The following CTNNA3 variants were observed in gnomAD, a reference collection of about 807,000 sequenced individuals.
CTNNA3 encodes the protein catenin alpha-3.
CTNNA3 carries 76 observed loss-of-function variants against 95.7 expected under a neutral mutation model. The observed-to-expected ratio is 0.79, with a 90% CI of 0.66 to 0.96. CTNNA3 has a LOEUF of 0.96. Among genes scored for constraint, CTNNA3 ranks in the 40% least tolerant of loss-of-function variants. The pLI, the probability that CTNNA3 is intolerant of heterozygous loss-of-function variation, is 0.00. For missense variants in CTNNA3, 1,191 were observed against 1,089.8 expected, an observed-to-expected ratio of 1.09 and a Z score of -1.31; for synonymous variants, 431 against 374.4, an observed-to-expected ratio of 1.15 and a Z score of -1.74.
intron 7 of CTNNA3, among the ~76,000 whole-genome samples, chr10:67,017,763 A>C (rs1026263025): frequency 6.6e-6 from 1 of 151,364 alleles, no homozygotes; most frequent in Non-Finnish European, 1.5e-5. Flanking sequence ...GCGCGCGTAC[A>C]ATTTTATGTG....
chr10:66,696,289 G>C (rs1847760676), intron 9 of CTNNA3, among the ~76,000 whole-genome samples: 1 of 152,138 alleles, frequency 6.6e-6, no homozygotes, highest in African/African-American at 2.4e-5. Context: ...AAAATAAAGA[G>C]ATGCTATTTA....
At chr10:66,271,206 A>G (rs1480625443) in intron 13 of CTNNA3, among the ~76,000 whole-genome samples, 1 of 152,152 alleles carries the variant, frequency 6.6e-6, no homozygotes, top group Non-Finnish European at 1.5e-5. Context: ...TCCATTATTT[A>G]GTTTACAGAT....
At chr10:67,231,198 C>T (rs1294430070) in intron 5 of CTNNA3, among the ~76,000 whole-genome samples, 1 of 152,258 alleles carries the variant, frequency 6.6e-6, no homozygotes, top group Non-Finnish European at 1.5e-5. Context: ...CTGCCTGCCT[C>T]TGTAGGCTCC....
intron 7 of CTNNA3, among the ~76,000 whole-genome samples, chr10:67,044,109 A>G: frequency 6.6e-6 from 1 of 151,880 alleles, no homozygotes; most frequent in Non-Finnish European, 1.5e-5. Flanking sequence ...TTTCCCCCCA[A>G]CTAGTCGCCA....
intron 5 of CTNNA3, among the ~76,000 whole-genome samples, chr10:67,385,208 T>C (rs1397016082): frequency 6.6e-6 from 1 of 152,238 alleles, no homozygotes; most frequent in East Asian, 1.9e-4. Context: ...TTTATGCAGC[T>C]TATAGTCTAA....
At chr10:66,176,917 A>G (rs2085740377) in intron 13 of CTNNA3, among the ~76,000 whole-genome samples, 1 of 152,092 alleles carries the variant, frequency 6.6e-6, no homozygotes, top group South Asian at 2.1e-4. Flanking sequence ...AAATATTTTT[A>G]AATCACTGAA....
intron 9 of CTNNA3, among the ~76,000 whole-genome samples, chr10:66,690,679 T>G (rs1188528154): frequency 1.3e-5 from 2 of 151,946 alleles, no homozygotes; most frequent in Non-Finnish European, 2.9e-5. Context: ...TGCATAGTAT[T>G]CCATGGTGTA....
chr10:67,431,015 C>T lies in CTNNA3; in HGVS notation c.579+90827G>A, dbSNP rs1257374155. On this transcript the variant is annotated intron_variant, in intron 5 of 17. Transcript: ENST00000433211. ...TTATAATTGAAACTTCAGATAGCTC[C>T]TTAAGTTAACAAAATGGGTAAATGG... is the stretch of plus-strand genomic sequence containing the variant. Among the ~76,000 whole-genome samples the T allele has an allele frequency of 2.0e-5, 3 of 151,964 alleles. No individual in the cohort carries two copies. The East Asian group carries it at 5.8e-4, about 30-fold the overall frequency.
intron 11 of CTNNA3, among the ~76,000 whole-genome samples, chr10:66,514,776 T>C (rs1404925863): frequency 6.6e-6 from 1 of 152,156 alleles, no homozygotes; most frequent in Non-Finnish European, 1.5e-5. Flanking sequence ...AATCAGTTCT[T>C]AGTAATTGTT....
intron 17 of CTNNA3, among the ~76,000 whole-genome samples, chr10:65,928,865 A>G (rs530608977): frequency 6.6e-6 from 1 of 152,288 alleles, no homozygotes; most frequent in East Asian, 1.9e-4. Flanking sequence ...TCCCACTTTT[A>G]GATTATTATT....
chr10:66,671,183 C>T (rs1846647858), intron 9 of CTNNA3, among the ~76,000 whole-genome samples: 1 of 152,164 alleles, frequency 6.6e-6, no homozygotes, highest in Non-Finnish European at 1.5e-5. Context: ...ATTAGTTTAA[C>T]TGTAATTCTT....
At chr10:66,336,607 A>T (rs2092399344) in intron 12 of CTNNA3, among the ~76,000 whole-genome samples, 1 of 152,142 alleles carries the variant, frequency 6.6e-6, no homozygotes, top group African/African-American at 2.4e-5. Flanking sequence ...TATTTTTTGT[A>T]ACATTGTCTA....
intron 1 of CTNNA3, among the ~76,000 whole-genome samples, chr10:67,724,174 C>T (rs1841195577): frequency 6.6e-6 from 1 of 152,166 alleles, no homozygotes; most frequent in South Asian, 2.1e-4. Context: ...AGATGAACTA[C>T]CTAGAGTTGT....
intron 17 of CTNNA3, among the ~76,000 whole-genome samples, chr10:65,948,509 G>C (rs1055755114): frequency 2.3e-4 from 35 of 151,704 alleles, no homozygotes; most frequent in African/African-American, 1.9e-4. Context: ...ATTGCAAAGA[G>C]ACAACTTAAT....
chr10:65,990,096 T>TAC (rs377426492), intron 15 of CTNNA3, among the ~76,000 whole-genome samples: 138,069 of 147,466 alleles, frequency 0.94, 64,978 homozygotes, highest in East Asian at 0.99. Context: ...TGTGTGTGTA[T>TAC]ACACACACAC....
intron 10 of CTNNA3, among the ~76,000 whole-genome samples, chr10:66,527,343 G>T (rs1841305075): frequency 1.3e-5 from 2 of 152,034 alleles, no homozygotes; most frequent in African/African-American, 4.8e-5. Context: ...GAAAGTGTGA[G>T]GCCTCCAAAT....
chr10:67,531,229 C>T (rs1840315026), intron 4 of CTNNA3, among the ~76,000 whole-genome samples: 1 of 152,102 alleles, frequency 6.6e-6, no homozygotes, highest in Admixed American at 6.5e-5. Flanking sequence ...TCCAGAACCA[C>T]CCTAGAATGA....
intron 7 of CTNNA3, among the ~76,000 whole-genome samples, chr10:66,823,735 A>G (rs113294909): frequency 5.9e-5 from 9 of 152,324 alleles, no homozygotes; most frequent in African/African-American, 1.7e-4. Context: ...CTTTATCCCA[A>G]TTGATTCTCA....
At chr10:66,836,221 C>G (rs1842882234) in intron 7 of CTNNA3, among the ~76,000 whole-genome samples, 1 of 152,140 alleles carries the variant, frequency 6.6e-6, no homozygotes, top group Non-Finnish European at 1.5e-5. Context: ...AGCTCCAGTG[C>G]AGCTCTGTAG....
Sources: gnomAD v4.1 joint callset for allele counts (sites outside exome capture counted in the v4.1 genomes callset) on GRCh38, gnomAD v4.1.1 for gene constraint, MANE v1.5 for transcripts, NCBI Gene and HGNC (gene_info 2026-07-23, HGNC 2026-07-21) for gene names.